MIA2: variants seen among roughly 807,000 people sequenced by gnomAD.
MIA2 encodes the protein MIA SH3 domain ER export factor 2, also known as melanoma inhibitory activity protein 2.
A neutral mutation model predicts 167.8 loss-of-function variants in MIA2; 127 were observed. The ratio of observed to expected loss-of-function variants is 0.76; its 90% CI spans 0.66 to 0.88. The LOEUF is 0.88. Among genes scored for constraint, MIA2 ranks in the 40% least tolerant of loss-of-function variants. The pLI, the probability that MIA2 is intolerant of heterozygous loss-of-function variation, is 0.00. For missense variants in MIA2, 1,690 were observed against 1,624.7 expected, an observed-to-expected ratio of 1.04 and a Z score of -0.69; for synonymous variants, 552 against 541.9, an observed-to-expected ratio of 1.02 and a Z score of -0.26.
intron 9 of MIA2, among the ~76,000 whole-genome samples, chr14:39,290,187 G>C (rs1210306443): frequency 2.0e-5 from 3 of 152,248 alleles, no homozygotes; most frequent in Middle Eastern, 3.4e-3. Flanking sequence ...TGAAATCTCT[G>C]CTTAGTTTCT....
intron 9 of MIA2, among the ~76,000 whole-genome samples, chr14:39,280,461 G>C (rs1007288089): frequency 6.6e-6 from 1 of 151,996 alleles, no homozygotes; most frequent in Non-Finnish European, 1.5e-5. Context: ...GGCTGGGCAC[G>C]GTGGCTCATG....
At chr14:39,368,733 T>TA (rs2074876104) in intron 23 of MIA2, among the ~76,000 whole-genome samples, 1 of 151,688 alleles carries the variant, frequency 6.6e-6, no homozygotes, top group African/African-American at 2.4e-5. Flanking sequence ...ATTTAGTCTT[T>TA]CAACTTTTGT....
chr14:39,268,380 T>C (rs891529434), intron 6 of MIA2, among the ~76,000 whole-genome samples: 5 of 152,176 alleles, frequency 3.3e-5, no homozygotes, highest in African/African-American at 1.2e-4. Flanking sequence ...AAAGAGCACC[T>C]TTATGGAGAT....
chr14:39,314,952 A>G (rs1030259809), intron 20 of MIA2, 153 bp downstream of exon 20: 38 of 525,738 alleles, frequency 7.2e-5, no homozygotes, highest in Non-Finnish European at 1.1e-4. Flanking sequence ...GACATTTCCC[A>G]GGAGCCAAAG....
intron 25 of MIA2, among the ~76,000 whole-genome samples, chr14:39,337,376 A>G (rs1400724769): frequency 1.3e-5 from 2 of 152,206 alleles, no homozygotes; most frequent in African/African-American, 2.4e-5. Flanking sequence ...TGATGGAACA[A>G]CTGAAGAGAA....
intron 7 of MIA2, among the ~76,000 whole-genome samples, chr14:39,277,871 A>C (rs895457246): frequency 6.8e-6 from 1 of 146,628 alleles, no homozygotes; most frequent in Admixed American, 6.8e-5. Context: ...CCTACAGCCT[A>C]CAGCCTCAAA....
chr14:39,384,385 G>A (rs990080569), intron 23 of MIA2, among the ~76,000 whole-genome samples: 5 of 152,106 alleles, frequency 3.3e-5, no homozygotes, highest in Non-Finnish European at 1.5e-5. Context: ...CAATGCACCT[G>A]GTTATTAAGG....
intron 25 of MIA2, among the ~76,000 whole-genome samples, chr14:39,341,678 A>G (rs780076915): frequency 3.3e-5 from 5 of 152,136 alleles, no homozygotes; most frequent in Non-Finnish European, 7.3e-5. Flanking sequence ...AAAAAAAGGT[A>G]TGCAGTAGCT....
In MIA2 at chr14:39,247,954, C is replaced by A. The variant is rs2054385653; in HGVS notation, c.1380C>A (p.Phe460Leu). The change falls in exon 4 of 29, where the codon TTC becomes TTA. Residue 460 changes from phenylalanine (F) to leucine (L), a missense_variant. Coordinates refer to ENST00000640607, the MANE Select transcript of MIA2 (RefSeq NM_001329214.4). ...ATACTATACCATATTTGAAAAAGTT[C>A]TTGTATAATTTTGACAACCCTTGGA... is the stretch of plus-strand genomic sequence containing the variant. ...ESDTIPYLKK[F>L]LYNFDNPWNF... The A allele has an allele frequency of 1.3e-6, 2 of 1,597,418 alleles. No homozygotes were observed. The highest frequency in any genetic ancestry group is 1.2e-5 in the South Asian group (1 of 86,330).
At chr14:39,344,281 A>T (rs530340495) in intron 25 of MIA2, among the ~76,000 whole-genome samples, 1 of 152,364 alleles carries the variant, frequency 6.6e-6, no homozygotes, top group South Asian at 2.1e-4. Context: ...TGATTAAAAA[A>T]GAGTTGGTGT....
chr14:39,362,331 T>G (rs2139285877), intron 23 of MIA2, among the ~76,000 whole-genome samples: 1 of 152,058 alleles, frequency 6.6e-6, no homozygotes, highest in Middle Eastern at 3.4e-3. Context: ...TTTTCTCTGT[T>G]TGGAGACTTT....
At position 39,276,997 on chromosome 14, in the gene MIA2, T is replaced by C. The variant is rs1322058475; in HGVS notation, c.1951T>C (p.Leu651=). Residue 651 remains leucine (L), a synonymous_variant, in exon 7 of 29, where the codon TTG becomes CTG. Coordinates refer to ENST00000640607, the MANE Select transcript of MIA2 (RefSeq NM_001329214.4). ...DSNLYGFPWE[L]VICAAVVGFF... is the part of the protein sequence containing the mutation. Reference sequence around the variant, plus strand: ...TAATCTTTATGGTTTTCCATGGGAATTGGTGATATGTGCAGCTGTTGTTGG... The same window carrying C: ...TAATCTTTATGGTTTTCCATGGGAACTGGTGATATGTGCAGCTGTTGTTGG... The C allele has an allele frequency of 6.2e-7, 1 of 1,613,970 alleles. No individual in the cohort carries two copies.
chr14:39,295,461 A>G (rs1245285915), intron 13 of MIA2, among the ~76,000 whole-genome samples: 5 of 152,202 alleles, frequency 3.3e-5, no homozygotes, highest in Admixed American at 6.5e-5. Flanking sequence ...TCCTTTGCCA[A>G]TGTAATTGTA....
At chr14:39,377,450 A>C (rs1340825409) in intron 23 of MIA2, among the ~76,000 whole-genome samples, 2 of 152,148 alleles carry the variant, frequency 1.3e-5, no homozygotes, top group Admixed American at 6.5e-5. Context: ...AATGGAAAAA[A>C]AGAAGGAAAA....
chr14:39,271,564 G>A (rs1004891041), intron 6 of MIA2, among the ~76,000 whole-genome samples: 10 of 152,048 alleles, frequency 6.6e-5, no homozygotes, highest in Middle Eastern at 3.2e-3. Flanking sequence ...TGCAAAAAAG[G>A]CAGTTGGAAT....
At chr14:39,354,887 T>G (rs1269194999), downstream of MIA2, among the ~76,000 whole-genome samples, 2 of 152,136 alleles carry the variant, frequency 1.3e-5, no homozygotes, top group African/African-American at 4.8e-5. Context: ...GTGGCATTAT[T>G]TCTGAGGGCT....
rs75046268 is a variant in MIA2, at chr14:39,319,257, T to C, written c.3333T>C (p.Tyr1111=). The change falls in exon 23 of 29, where the codon TAT becomes TAC. Residue 1111 remains tyrosine (Y), a synonymous_variant. Coordinates refer to ENST00000640607, the MANE Select transcript of MIA2 (RefSeq NM_001329214.4). The part of the protein sequence containing the change: ...LKFELLEKDP[Y]ALDVPNTAFG... Reference sequence around the variant, plus strand: ...TTGAACTTTTAGAAAAAGATCCTTATGCACTCGATGTTCCAAATACAGCAT... The same window carrying C: ...TTGAACTTTTAGAAAAAGATCCTTACGCACTCGATGTTCCAAATACAGCAT... 1.4e-4 allele frequency: 220 copies of C among 1,568,810 alleles called. No homozygotes were observed. The East Asian group carries it at 3.9e-3, about 28-fold the overall frequency.
chr14:39,311,892 C>T (rs1436379858), intron 18 of MIA2, among the ~76,000 whole-genome samples: 18 of 149,958 alleles, frequency 1.2e-4, no homozygotes, highest in Admixed American at 1.1e-3. Flanking sequence ...TGCAGTGGCA[C>T]GATCTCGGCT....
At chr14:39,371,978 A>G (rs1376829879) in intron 23 of MIA2, among the ~76,000 whole-genome samples, 1 of 151,870 alleles carries the variant, frequency 6.6e-6, no homozygotes, top group African/African-American at 2.4e-5. Flanking sequence ...TTTAAATTGG[A>G]AAATTTTAGC....
Sources: gnomAD v4.1 joint callset for allele counts (sites outside exome capture counted in the v4.1 genomes callset) on GRCh38, gnomAD v4.1.1 for gene constraint, MANE v1.5 for transcripts, NCBI Gene and HGNC (gene_info 2026-07-23, HGNC 2026-07-21) for gene names.